Variants in DDX31 observed in about 807,000 individuals in gnomAD.
DDX31 encodes DEAD-box helicase 31, also known as ATP-dependent DNA helicase DDX31.
DDX31 carries 70 observed loss-of-function variants against 91.3 expected under a neutral mutation model. The observed-to-expected ratio is 0.77, with a 90% CI of 0.63 to 0.94. DDX31 has a LOEUF of 0.94. Among genes scored for constraint, DDX31 ranks in the 40% least tolerant of loss-of-function variants. The pLI, the probability that DDX31 is intolerant of heterozygous loss-of-function variation, is 0.00. For missense variants in DDX31, 902 were observed against 925.0 expected (o/e 0.98, Z 0.32); for synonymous variants, 362 against 350.6 (o/e 1.03, Z -0.36).
chr9:132,604,680 G>A (rs1463137380), intron 19 of DDX31, among the ~76,000 whole-genome samples: 4 of 152,024 alleles, frequency 2.6e-5, no homozygotes, highest in African/African-American at 9.7e-5. Context: ...TTGGAGCCTG[G>A]GCAGAGCATT....
chr9:132,667,564 C>T (rs1378792638), intron 1 of DDX31, among the ~76,000 whole-genome samples: 1 of 152,198 alleles, frequency 6.6e-6, no homozygotes, highest in Non-Finnish European at 1.5e-5. Flanking sequence ...GATCGCGCCA[C>T]TGCACTCCAG....
At chr9:132,667,264 C>T (rs1230802660) in intron 1 of DDX31, among the ~76,000 whole-genome samples, 1 of 152,082 alleles carries the variant, frequency 6.6e-6, no homozygotes, top group Non-Finnish European at 1.5e-5. Context: ...AGGCTACTGG[C>T]AAGTCTCATC....
chr9:132,598,939 G>T (rs965776133), intron 19 of DDX31, among the ~76,000 whole-genome samples: 1 of 152,078 alleles, frequency 6.6e-6, no homozygotes, highest in African/African-American at 2.4e-5. Flanking sequence ...TATCCACAAC[G>T]GTCACTGAAC....
chr9:132,647,704 G>A (rs1226699517), intron 11 of DDX31, among the ~76,000 whole-genome samples: 3 of 152,110 alleles, frequency 2.0e-5, no homozygotes, highest in Non-Finnish European at 4.4e-5. Context: ...CCAAGCCTTC[G>A]TGTTCCCAGT....
At chr9:132,645,415 G>A (rs1272747570) in intron 13 of DDX31, among the ~76,000 whole-genome samples, 2 of 152,142 alleles carry the variant, frequency 1.3e-5, no homozygotes, top group South Asian at 2.1e-4. Context: ...TGAGTGCAGC[G>A]CTGTGTCTTG....
intron 14 of DDX31, among the ~76,000 whole-genome samples, chr9:132,634,598 T>TTTG (rs1554765834): frequency 6.8e-6 from 1 of 147,976 alleles, no homozygotes; most frequent in Non-Finnish European, 1.5e-5. Context: ...TTTTTTTTTT[T>TTTG]TTTTTTTTTT....
chr9:132,647,050 G>A lies in DDX31; in HGVS notation c.976C>T (p.Arg326Trp), dbSNP rs375111178. 48 of 1,609,782 alleles carry A rather than the reference G, an allele frequency of 3.0e-5. No individual in the cohort carries two copies. The highest frequency in any genetic ancestry group is 6.6e-5 in the South Asian group (6 of 90,702). The change falls in exon 12 of 20, where the codon CGG becomes TGG. Residue 326 changes from arginine to tryptophan, a missense_variant. Physicochemically the swap from Arg to Trp is moderately radical, Grantham distance 101 (BLOSUM62 -3). Coordinates refer to ENST00000372159, the MANE Select transcript of DDX31 (RefSeq NM_022779.9). Reference protein sequence around the residue: ...LSATLTEGVTRLADISLHDPV... With the variant: ...LSATLTEGVTWLADISLHDPV... Reference sequence around the variant, plus strand: ...TCATGCAAACTGATATCAGCTAGCCGCGTTACACCTTGGATAAAAGTAAGA... The same window carrying A: ...TCATGCAAACTGATATCAGCTAGCCACGTTACACCTTGGATAAAAGTAAGA...
At chr9:132,659,655 T>A (rs947902148) in intron 5 of DDX31, 55 bp downstream of exon 5, 30 of 1,548,386 alleles carry the variant, frequency 1.9e-5, no homozygotes, top group Admixed American at 3.6e-5. Flanking sequence ...CAAAACCTAG[T>A]GCATGACCAT....
In DDX31 at chr9:132,650,138, C is replaced by A. The variant is rs1315609310; in HGVS notation, c.740+96G>T. Reference sequence around the variant, plus strand: ...CGGGACTAGGAAGCAGAGCCTGAGACAAAGCTCTCAGCAGGTTTAGAAGGA... The same window carrying A: ...CGGGACTAGGAAGCAGAGCCTGAGAAAAAGCTCTCAGCAGGTTTAGAAGGA... On this transcript the variant is annotated intron_variant, in intron 9 of 19. Coordinates refer to ENST00000372159, the MANE Select transcript of DDX31 (RefSeq NM_022779.9). 16 of 1,219,888 alleles carry A rather than the reference C, an allele frequency of 1.3e-5. No individual in the cohort carries two copies. The East Asian group carries it at 3.5e-4, about 27-fold the overall frequency. The allele number at this position is 1,219,888 out of a possible 1,614,324, so 75.6% of individuals were successfully genotyped here.
chr9:132,646,173 G>T, intron 12 of DDX31, 102 bp from the exon 13 acceptor site: 1 of 1,193,824 alleles, frequency 8.4e-7, no homozygotes. Context: ...CCCCCATTTG[G>T]AAATAAAGGT....
intron 9 of DDX31, among the ~76,000 whole-genome samples, chr9:132,649,996 T>G (rs923056109): frequency 1.3e-5 from 2 of 152,188 alleles, no homozygotes; most frequent in African/African-American, 4.8e-5. Context: ...AGTTAAGAAG[T>G]TGACAGCACT....
intron 19 of DDX31, among the ~76,000 whole-genome samples, chr9:132,600,507 A>G (rs762217147): frequency 3.5e-4 from 53 of 152,230 alleles, no homozygotes; most frequent in Middle Eastern, 3.2e-3. Context: ...GGCCAAGGAC[A>G]GGCACAGTGG....
At chr9:132,613,727 G>A (rs1399443661) in intron 18 of DDX31, among the ~76,000 whole-genome samples, 4 of 152,128 alleles carry the variant, frequency 2.6e-5, no homozygotes, top group Admixed American at 2.6e-4. Context: ...ATTCAGAAAA[G>A]GGGGTCCTTG....
intron 17 of DDX31, among the ~76,000 whole-genome samples, chr9:132,619,110 T>C (rs1428684181): frequency 1.3e-5 from 2 of 152,192 alleles, no homozygotes; most frequent in Non-Finnish European, 2.9e-5. Context: ...GTAGCATCTG[T>C]GTGCATGCAA....
chr9:132,659,967 A>G (rs1035817456), intron 4 of DDX31, among the ~76,000 whole-genome samples, 187 bp from the exon 5 acceptor site: 2 of 152,216 alleles, frequency 1.3e-5, no homozygotes, highest in African/African-American at 2.4e-5. Flanking sequence ...AACCCTAGTT[A>G]TATTTTTAGA....
At chr9:132,650,874 G>A (rs908661905) in intron 8 of DDX31, among the ~76,000 whole-genome samples, 9 of 152,146 alleles carry the variant, frequency 5.9e-5, no homozygotes, top group African/African-American at 1.9e-4. Context: ...TTATGCACCA[G>A]GAGTCACTGA....
At chr9:132,640,173 G>A (rs1490069770) in intron 14 of DDX31, among the ~76,000 whole-genome samples, 1 of 152,214 alleles carries the variant, frequency 6.6e-6, no homozygotes, top group African/African-American at 2.4e-5. Flanking sequence ...GATCATTACA[G>A]TGAAGAAACG....
intron 6 of DDX31, among the ~76,000 whole-genome samples, chr9:132,654,878 G>A (rs947221626): frequency 4.6e-5 from 7 of 150,850 alleles, no homozygotes; most frequent in Non-Finnish European, 7.4e-5. Context: ...TCCGGGAGGT[G>A]GAGGTTTCAG....
chr9:132,663,853 T>C (rs180710165), intron 1 of DDX31, among the ~76,000 whole-genome samples: 1 of 152,282 alleles, frequency 6.6e-6, no homozygotes, highest in Non-Finnish European at 1.5e-5. Context: ...TTTTACAAAA[T>C]CTCAAGTTTA....
Sources: allele counts gnomAD v4.1 joint callset (sites outside exome capture counted in the v4.1 genomes callset), GRCh38; gene constraint gnomAD v4.1.1; transcripts MANE v1.5; gene names NCBI Gene and HGNC (gene_info 2026-07-23, HGNC 2026-07-21).